Variants in BBOF1 observed in about 807,000 individuals in gnomAD.
BBOF1 encodes the protein basal body orientation factor 1.
A neutral mutation model predicts 68.0 loss-of-function variants in BBOF1; 62 were observed. The observed-to-expected ratio is 0.91, with a 90% CI of 0.74 to 1.13. The LOEUF (loss-of-function observed/expected upper bound fraction) is 1.13. BBOF1 is among the 50% of genes most tolerant of loss of function. The pLI, the probability that BBOF1 is intolerant of heterozygous loss-of-function variation, is 0.00. For synonymous variants in BBOF1, 208 were observed against 198.8 expected, an observed-to-expected ratio of 1.05 and a Z score of -0.39; for missense variants, 534 against 600.1, an observed-to-expected ratio of 0.89 and a Z score of 1.15.
intron 9 of BBOF1, among the ~76,000 whole-genome samples, chr14:74,077,073 A>G (rs1242928347): frequency 6.6e-6 from 1 of 152,154 alleles, no homozygotes; most frequent in Non-Finnish European, 1.5e-5. Context: ...AGTCCTTCCA[A>G]ATACCTCATC....
At position 74,032,212 on chromosome 14, in the gene BBOF1, C is replaced by T. The variant is rs142193564; in HGVS notation, c.352-1816C>T. Reference sequence around the variant, plus strand: ...CACGATCTCGGCTGACTGCAACTTCCGCCTCCCGGGTTCAAGCGATTCTCC... The same window carrying T: ...CACGATCTCGGCTGACTGCAACTTCTGCCTCCCGGGTTCAAGCGATTCTCC... On this transcript the variant is annotated intron_variant, in intron 3 of 11. Transcript: ENST00000394009. Among the ~76,000 whole-genome samples the T allele has an allele frequency of 9.2e-3, 1,381 of 150,146 alleles. 20 individuals are homozygous for T. Among genetic ancestry groups the T allele is most frequent in the Admixed American group, 0.034 (503 of 15,010 alleles).
At chr14:74,074,891 A>C in intron 9 of BBOF1, 68 of 1,500,076 alleles carry the variant, frequency 4.5e-5, no homozygotes, top group Middle Eastern at 1.7e-4. Context: ...TAAAGAAGAT[A>C]GAGATACCCA....
chr14:74,024,395 G>A (rs1235935555), intron 2 of BBOF1, among the ~76,000 whole-genome samples: 1 of 152,128 alleles, frequency 6.6e-6, no homozygotes, highest in African/African-American at 2.4e-5. Flanking sequence ...AGTTGAAGCT[G>A]CAGTGAGCCA....
At chr14:74,072,248 G>C in intron 9 of BBOF1, 1 of 1,614,228 alleles carries the variant, frequency 6.2e-7, no homozygotes, top group Non-Finnish European at 8.5e-7. Context: ...AGACCTGCTG[G>C]CGGCTTAATA....
intron 11 of BBOF1, among the ~76,000 whole-genome samples, chr14:74,063,190 C>CTT (rs370230173): frequency 1.2e-4 from 17 of 144,986 alleles, no homozygotes; most frequent in Non-Finnish European, 1.2e-4. Context: ...AATAATTCTT[C>CTT]TTTTTTTTTT....
At chr14:74,060,759 G>GA (rs775284024) in intron 11 of BBOF1, 4 of 1,568,944 alleles carry the variant, frequency 2.5e-6, no homozygotes, top group Middle Eastern at 1.7e-4. Context: ...AAGGAAAACA[G>GA]AAAAAAAGTT....
intron 2 of BBOF1, among the ~76,000 whole-genome samples, chr14:74,028,347 C>T (rs141250727): frequency 0.01 from 1,578 of 151,680 alleles, 11 homozygotes; most frequent in Middle Eastern, 0.027. Context: ...CCAGCCTGGG[C>T]GACAGAGTGA....
Position 74,057,285 on chromosome 14 carries a change from A to G in BBOF1, c.1578+27A>G, listed in dbSNP as rs759851246. 5.6e-6 allele frequency: 9 copies of G among 1,614,016 alleles called. No individual in the cohort carries two copies. In the Middle Eastern group the frequency reaches 4.9e-4, roughly 89 times the overall value. ...TAAGGAGTCTGTATCTAATCAAACA[A>G]TGTATATTGTTGTCACCCTTCCCCA... On this transcript the variant is annotated intron_variant, in intron 11 of 11. Coordinates refer to ENST00000394009, the MANE Select transcript of BBOF1 (RefSeq NM_025057.3).
In BBOF1 at chr14:74,030,931, T is replaced by TAG. The variant is rs201898207; in HGVS notation, c.351+1683_351+1684insGA. On this transcript the variant is annotated intron_variant, in intron 3 of 11. Transcript: ENST00000394009. ...AAAAAAAGTCATAAACATATATATA[T>TAG]ATATATATAGAGAGAGAGAGATTAT... Among the ~76,000 whole-genome samples, 86 of 143,342 alleles carry TAG rather than the reference T, an allele frequency of 6.0e-4. 1 individual carries two copies. The highest frequency in any genetic ancestry group is 1.1e-3 in the African/African-American group (43 of 38,556). 94.0% of individuals were successfully genotyped at this position (143,342 alleles called of 152,430 possible). A position where few individuals can be genotyped will look rare whatever the true frequency, so the allele number is the denominator to read the frequency against.
intron 11 of BBOF1, among the ~76,000 whole-genome samples, chr14:74,063,960 T>A (rs1259479335): frequency 6.6e-6 from 1 of 151,998 alleles, no homozygotes; most frequent in African/African-American, 2.4e-5. Flanking sequence ...GTTCCAGATC[T>A]GCTTTACTTT....
intron 8 of BBOF1, among the ~76,000 whole-genome samples, chr14:74,052,147 G>A (rs898286700): frequency 6.6e-6 from 1 of 151,438 alleles, no homozygotes; most frequent in Non-Finnish European, 1.5e-5. Flanking sequence ...CATATATAAG[G>A]CAGTTTTCTT....
At position 74,075,107 on chromosome 14, in the gene BBOF1, G is replaced by A; in HGVS notation, n.1380-3089G>A. On this transcript the variant is annotated intron_variant and non_coding_transcript_variant, in intron 9 of 12. Transcript: ENST00000492026. Reference sequence around the variant, plus strand: ...TAGCTACTATATGCTATTTGCTATAGTATATAGGGGGTATGTTTCTCTCAA... The same window carrying A: ...TAGCTACTATATGCTATTTGCTATAATATATAGGGGGTATGTTTCTCTCAA... 6.1e-6 allele frequency: 7 copies of A among 1,151,912 alleles called. No individual in the cohort carries two copies. In the South Asian group the frequency reaches 9.1e-5, roughly 15 times the overall value. 71.4% of individuals were successfully genotyped at this position (1,151,912 alleles called of 1,614,324 possible).
Position 74,019,473 on chromosome 14 carries a change from G to T in BBOF1, c.-6G>T, listed in dbSNP as rs2059197432. ...CTACGACAGCGGAGCCCCTGGGGAA[G>T]CCAAGATGCCGTCGAAGGGAAAGGA... On this transcript the variant is annotated 5_prime_UTR_variant, in exon 1 of 12. Transcript: ENST00000394009. The T allele has an allele frequency of 6.2e-7, 1 of 1,603,172 alleles. No homozygotes were observed. Among genetic ancestry groups the T allele is most frequent in the Non-Finnish European group, 8.5e-7 (1 of 1,174,856 alleles).
intron 9 of BBOF1, chr14:74,078,120 A>G (rs2060633089): frequency 2.2e-6 from 1 of 445,782 alleles, no homozygotes; most frequent in Non-Finnish European, 4.5e-6. Flanking sequence ...GCTATTCCAC[A>G]ACTTTATCTT....
Position 74,064,754 on chromosome 14 carries a change from C to T in BBOF1, c.*55C>T. 6.2e-7 allele frequency: 1 copy of T among 1,611,850 alleles called. No homozygotes were observed. The highest frequency in any genetic ancestry group is 1.1e-5 in the South Asian group (1 of 91,036). On this transcript the variant is annotated 3_prime_UTR_variant, in exon 12 of 12. Transcript: ENST00000394009. ...GCTGGCAGTCCCTTCCTTGCAGAAT[C>T]CTTGCTCCTGAATATCTTTAAGAAA...
rs2060565226 is a variant in BBOF1 at position 74,072,596 on chromosome 14, A to G, written n.1380-5600A>G. The G allele has an allele frequency of 2.5e-6, 4 of 1,613,726 alleles. No homozygotes were observed. The highest frequency in any genetic ancestry group is 2.5e-6 in the Non-Finnish European group (3 of 1,179,978). ...GATTCAACGAATTTCCCACCAATGA[A>G]GAGCTTTACAGTTGGCTGAAAAAAA... On this transcript the variant is annotated intron_variant and non_coding_transcript_variant, in intron 9 of 12. Transcript: ENST00000492026.
intron 11 of BBOF1, among the ~76,000 whole-genome samples, chr14:74,063,347 T>G (rs2060389909): frequency 6.6e-6 from 1 of 151,722 alleles, no homozygotes; most frequent in Admixed American, 6.6e-5. Flanking sequence ...CCACCACACC[T>G]GGCTAATTGT....
chr14:74,021,353 G>A (rs958608291), intron 1 of BBOF1, among the ~76,000 whole-genome samples: 1 of 152,136 alleles, frequency 6.6e-6, no homozygotes, highest in Non-Finnish European at 1.5e-5. Flanking sequence ...GGGAGGCTGA[G>A]CAGGGGAAGA....
At chr14:74,030,996 C>T (rs77253949) in intron 3 of BBOF1, among the ~76,000 whole-genome samples, 2 of 150,252 alleles carry the variant, frequency 1.3e-5, no homozygotes, top group African/African-American at 2.4e-5. Context: ...TATATAAAAT[C>T]TTTCTTAGAT....
Sources: gnomAD v4.1 joint callset for allele counts (sites outside exome capture counted in the v4.1 genomes callset) on GRCh38, gnomAD v4.1.1 for gene constraint, MANE v1.5 for transcripts, NCBI Gene and HGNC (gene_info 2026-07-23, HGNC 2026-07-21) for gene names.